The following KLF8 variants were observed in gnomAD, a reference collection of about 807,000 sequenced individuals.
The protein encoded by KLF8 is KLF transcription factor 8, also known as Krueppel-like factor 8.
A neutral mutation model predicts 18.2 loss-of-function variants in KLF8; 10 were observed. The observed-to-expected ratio is 0.55, with a 90% confidence interval of 0.34 to 0.93. The LOEUF (loss-of-function observed/expected upper bound fraction) is 0.93. KLF8 is among the 40% of genes least tolerant of loss of function. The pLI, the probability that KLF8 is intolerant of heterozygous loss-of-function variation, is 0.02. For synonymous variants in KLF8, 109 were observed against 97.3 expected (o/e 1.12, Z -0.71); for missense variants, 264 against 277.9 (o/e 0.95, Z 0.36).
the KLF8 span, among the ~76,000 whole-genome samples, chrX:56,033,004 A>T: frequency 8.9e-6 from 1 of 112,032 alleles, no homozygotes; most frequent in African/African-American, 3.2e-5. Flanking sequence ...TTGTGTTTTT[A>T]AATTTTATAA....
At chrX:56,168,322 A>G in the KLF8 span, among the ~76,000 whole-genome samples, 2 of 111,989 alleles carry the variant, frequency 1.8e-5, no homozygotes, top group Non-Finnish European at 3.8e-5. Flanking sequence ...ATCAAAAAGA[A>G]AAAAACTTAG....
the KLF8 span, among the ~76,000 whole-genome samples, chrX:55,912,239 G>A: frequency 9.0e-6 from 1 of 111,147 alleles, no homozygotes; most frequent in African/African-American, 3.3e-5. Flanking sequence ...TGGGTGACCT[G>A]GATACACACT....
At chrX:56,103,776 G>C in the KLF8 span, among the ~76,000 whole-genome samples, 4 of 111,466 alleles carry the variant, frequency 3.6e-5, no homozygotes, top group Non-Finnish European at 5.7e-5. Context: ...GAGTGGGCAT[G>C]CCTTTCTTGT....
the KLF8 span, among the ~76,000 whole-genome samples, chrX:55,972,023 G>T: frequency 1.8e-5 from 2 of 110,847 alleles, no homozygotes; most frequent in Non-Finnish European, 1.9e-5. Context: ...ATAAAATCCA[G>T]CAATCCCACT....
At chrX:56,132,411 G>C in the KLF8 span, among the ~76,000 whole-genome samples, 2 of 111,284 alleles carry the variant, frequency 1.8e-5, no homozygotes, top group African/African-American at 6.5e-5. Flanking sequence ...GAAATGAAGA[G>C]GCAAATACAA....
At chrX:56,184,841 A>C in the KLF8 span, among the ~76,000 whole-genome samples, 1 of 112,272 alleles carries the variant, frequency 8.9e-6, no homozygotes, top group Non-Finnish European at 1.9e-5. Flanking sequence ...AAACTAACAA[A>C]CAGAAAGGAC....
At chrX:55,983,446 C>T in the KLF8 span, among the ~76,000 whole-genome samples, 1 of 111,539 alleles carries the variant, frequency 9.0e-6, no homozygotes, top group African/African-American at 3.3e-5. Flanking sequence ...CTAACTAATG[C>T]CACCAACTTC....
chrX:56,105,252 C>T, the KLF8 span, among the ~76,000 whole-genome samples: 4 of 111,548 alleles, frequency 3.6e-5, no homozygotes, highest in Non-Finnish European at 7.5e-5. Context: ...GAGCTGAGTT[C>T]AAGTCCTGGA....
At chrX:56,038,940 T>A in the KLF8 span, among the ~76,000 whole-genome samples, 2 of 112,521 alleles carry the variant, frequency 1.8e-5, no homozygotes, top group Non-Finnish European at 3.8e-5. Flanking sequence ...GTGGTTTTCA[T>A]TTGCATTTCT....
At chrX:56,203,746 A>AT in the KLF8 span, among the ~76,000 whole-genome samples, 1 of 110,649 alleles carries the variant, frequency 9.0e-6, no homozygotes, top group Non-Finnish European at 1.9e-5. Context: ...AGATGTGTGG[A>AT]TTTTTTTCTG....
the KLF8 span, among the ~76,000 whole-genome samples, chrX:56,136,732 A>T: frequency 9.0e-6 from 1 of 111,641 alleles, no homozygotes; most frequent in African/African-American, 3.2e-5. Flanking sequence ...AGCAATGGCA[A>T]CAAAAGCCAA....
chrX:55,972,250 G>A, the KLF8 span, among the ~76,000 whole-genome samples: 3 of 111,496 alleles, frequency 2.7e-5, no homozygotes, highest in African/African-American at 9.7e-5. Flanking sequence ...GATGGAATTG[G>A]AGGTCATTAT....
At chrX:56,176,750 T>C in the KLF8 span, among the ~76,000 whole-genome samples, 4 of 111,920 alleles carry the variant, frequency 3.6e-5, no homozygotes, top group Non-Finnish European at 7.5e-5. Context: ...CAATCAGACG[T>C]AGATTTGGTC....
chrX:55,925,129 G>GGGATT, the KLF8 span, among the ~76,000 whole-genome samples: 6 of 101,227 alleles, frequency 5.9e-5, no homozygotes, highest in East Asian at 9.2e-4. Flanking sequence ...CCAAAGTGTT[G>GGGATT]GGATTGCAGG....
the KLF8 span, among the ~76,000 whole-genome samples, chrX:56,098,110 G>C: frequency 9.0e-6 from 1 of 111,486 alleles, no homozygotes; most frequent in South Asian, 3.7e-4. Context: ...TTGTTAAAAA[G>C]AGCCTGGCAC....
chrX:56,126,317 C>T, the KLF8 span, among the ~76,000 whole-genome samples: 1 of 111,903 alleles, frequency 8.9e-6, no homozygotes, highest in African/African-American at 3.3e-5. Context: ...TATCCTAAAT[C>T]TAATCACTTC....
the KLF8 span, among the ~76,000 whole-genome samples, chrX:56,188,098 A>T: frequency 7.2e-5 from 8 of 111,164 alleles, no homozygotes; most frequent in Non-Finnish European, 1.5e-4. Context: ...CTGTTTGCAG[A>T]TGACATGATT....
At chrX:56,255,041 C>G (rs2066771134) in intron 2 of KLF8, among the ~76,000 whole-genome samples, 1 of 112,624 alleles carries the variant, frequency 8.9e-6, no homozygotes. Context: ...TTGATTCTTC[C>G]AATCCATGAA....
the KLF8 span, among the ~76,000 whole-genome samples, chrX:56,106,604 C>G: frequency 8.9e-6 from 1 of 111,877 alleles, no homozygotes; most frequent in Admixed American, 9.5e-5. Flanking sequence ...TTCTAGTTAG[C>G]CGTTTGTCTA....
Sources: gnomAD v4.1 joint callset for allele counts (sites outside exome capture counted in the v4.1 genomes callset) on GRCh38, gnomAD v4.1.1 for gene constraint, MANE v1.5 for transcripts, NCBI Gene and HGNC (gene_info 2026-07-23, HGNC 2026-07-21) for gene names.